PCP4: variants seen among roughly 807,000 people sequenced by gnomAD.
PCP4 encodes the protein Purkinje cell protein 4.
A neutral mutation model predicts 10.0 loss-of-function variants in PCP4; 8 were observed. The ratio of observed to expected loss-of-function variants is 0.80; its 90% CI spans 0.47 to 1.45. The LOEUF (loss-of-function observed/expected upper bound fraction) is 1.45. Ranked by LOEUF, PCP4 falls within the 40% of genes most tolerant of loss-of-function variation. PCP4 has a pLI of 0.00. For synonymous variants in PCP4, 21 were observed against 23.0 expected, an observed-to-expected ratio of 0.91 and a Z score of 0.24; for missense variants, 54 against 74.4, an observed-to-expected ratio of 0.73 and a Z score of 1.01.
intron 2 of PCP4, among the ~76,000 whole-genome samples, chr21:39,899,098 T>A (rs1299893733): frequency 6.6e-6 from 1 of 152,168 alleles, no homozygotes; most frequent in Non-Finnish European, 1.5e-5. Context: ...GGAATGATCA[T>A]CATATTTTTA....
At position 39,906,615 on chromosome 21, in the gene PCP4, T is replaced by C. The variant is rs896775178; in HGVS notation, c.61+8088T>C. On this transcript the variant is annotated intron_variant, in intron 2 of 2. Transcript: ENST00000328619. The surrounding 1 kb of genome is among the most constrained non-coding windows in gnomAD (Gnocchi z 6.3). ...CTTCCTTCCCTCCCTCCGTCTTTTC[T>C]TCCTACCTTTCATCCTTTTCTTCCT... Among the ~76,000 whole-genome samples, 18 of 152,048 alleles carry C rather than the reference T, an allele frequency of 1.2e-4. No individual in the cohort carries two copies. Among genetic ancestry groups the C allele is most frequent in the Non-Finnish European group, 2.4e-4 (16 of 68,026 alleles).
chr21:39,874,037 T>G (rs994478740), intron 1 of PCP4, among the ~76,000 whole-genome samples: 1 of 152,210 alleles, frequency 6.6e-6, no homozygotes, highest in African/African-American at 2.4e-5. Flanking sequence ...TATTTTACTC[T>G]TAACCTGCCA....
At chr21:39,885,391 C>T (rs1215700817) in intron 1 of PCP4, among the ~76,000 whole-genome samples, 2 of 152,240 alleles carry the variant, frequency 1.3e-5, no homozygotes, top group African/African-American at 2.4e-5. Flanking sequence ...GTTGCCCTCC[C>T]TCTGCTCTGA....
rs139627316 is a variant in PCP4, at chr21:39,882,634, C to T, written c.9+15124C>T. ...ACCACATCATCCTCGGAGGGACAGG[C>T]AGGCATCCTTAGTGTTCTTGAAATG... On this transcript the variant is annotated intron_variant, in intron 1 of 2. Transcript: ENST00000328619. Among the ~76,000 whole-genome samples the T allele has an allele frequency of 8.3e-3, 1,267 of 152,354 alleles. 58 individuals are homozygous for T. The highest frequency in any genetic ancestry group is 0.075 in the Admixed American group (1,142 of 15,308).
chr21:39,888,791 G>C (rs916607029), intron 1 of PCP4, among the ~76,000 whole-genome samples: 2 of 152,182 alleles, frequency 1.3e-5, no homozygotes, highest in Non-Finnish European at 2.9e-5. Context: ...CTCAGCAAAG[G>C]CAAAAATGAA....
At chr21:39,867,644 A>C (rs2087300923) in intron 1 of PCP4, 134 bp downstream of exon 1, 3 of 905,572 alleles carry the variant, frequency 3.3e-6, no homozygotes, top group Non-Finnish European at 3.7e-6. Context: ...TTGCTTGGAG[A>C]ACTGACAGGA....
At chr21:39,916,999 C>A (rs944973229) in intron 2 of PCP4, among the ~76,000 whole-genome samples, 3 of 152,100 alleles carry the variant, frequency 2.0e-5, no homozygotes, top group Middle Eastern at 3.4e-3. Flanking sequence ...AATACCTAGG[C>A]GATGGGTTGA....
At chr21:39,904,346 A>C (rs1416149520) in intron 2 of PCP4, among the ~76,000 whole-genome samples, 1 of 152,040 alleles carries the variant, frequency 6.6e-6, no homozygotes, top group Non-Finnish European at 1.5e-5. Flanking sequence ...TGACTTAGGC[A>C]GATTTTGCTT....
At chr21:39,907,635 A>G (rs2087518543) in intron 2 of PCP4, among the ~76,000 whole-genome samples, 2 of 152,104 alleles carry the variant, frequency 1.3e-5, no homozygotes, top group African/African-American at 4.8e-5. Flanking sequence ...ATCTCTACCA[A>G]AAAATACAAA....
At chr21:39,892,516 G>A (rs2087437659) in intron 1 of PCP4, among the ~76,000 whole-genome samples, 1 of 151,776 alleles carries the variant, frequency 6.6e-6, no homozygotes, top group Non-Finnish European at 1.5e-5. Flanking sequence ...GCTCTCGGGG[G>A]CCACACTGCA....
At chr21:39,891,134 G>T (rs1158484457) in intron 1 of PCP4, among the ~76,000 whole-genome samples, 2 of 152,118 alleles carry the variant, frequency 1.3e-5, no homozygotes, top group Non-Finnish European at 2.9e-5. Flanking sequence ...CAACTAGCAG[G>T]GTATTGAATA....
intron 2 of PCP4, among the ~76,000 whole-genome samples, chr21:39,913,237 A>T (rs1338067087): frequency 2.8e-5 from 2 of 71,582 alleles, no homozygotes; most frequent in Non-Finnish European, 5.3e-5. Context: ...AGCTCTTAAG[A>T]TAGTGTCATT....
chr21:39,926,902 T>C (rs2087624344), intron 2 of PCP4, among the ~76,000 whole-genome samples: 1 of 152,206 alleles, frequency 6.6e-6, no homozygotes, highest in Admixed American at 6.5e-5. Flanking sequence ...TTGTCTATCA[T>C]TTGGGCTGTC....
rs142583615 is a variant in PCP4, at chr21:39,870,951, G to A, written c.9+3441G>A. ...GCAGGGCAAGGCGATGCCCATCAAAGGCATGGTTTGAAAAACATCAAGGAC... is the reference window on the plus strand; with the variant it reads ...GCAGGGCAAGGCGATGCCCATCAAAAGCATGGTTTGAAAAACATCAAGGAC... On this transcript the variant is annotated intron_variant, in intron 1 of 2. Coordinates refer to ENST00000328619, the MANE Select transcript of PCP4 (RefSeq NM_006198.3). Among the ~76,000 whole-genome samples the A allele has an allele frequency of 8.7e-3, 1,325 of 152,300 alleles. 13 individuals carry two copies. Among genetic ancestry groups the A allele is most frequent in the Non-Finnish European group, 0.013 (859 of 68,034 alleles).
intron 1 of PCP4, among the ~76,000 whole-genome samples, chr21:39,886,642 T>C (rs899986593): frequency 1.3e-5 from 2 of 152,102 alleles, no homozygotes; most frequent in Non-Finnish European, 1.5e-5. Context: ...ATATGTAAGA[T>C]TTGAAAAGTC....
At chr21:39,915,245 T>C (rs2087563207) in intron 2 of PCP4, among the ~76,000 whole-genome samples, 1 of 151,454 alleles carries the variant, frequency 6.6e-6, no homozygotes, top group Non-Finnish European at 1.5e-5. Flanking sequence ...AAAAAAAATC[T>C]CTGGGATTTT....
intron 2 of PCP4, among the ~76,000 whole-genome samples, chr21:39,905,403 T>C (rs2087502088): frequency 6.6e-6 from 1 of 152,078 alleles, no homozygotes; most frequent in Non-Finnish European, 1.5e-5. Context: ...GGGGAAAAAA[T>C]GACATTGGAA....
chr21:39,890,175 G>T (rs766513597), intron 1 of PCP4, among the ~76,000 whole-genome samples: 1 of 152,136 alleles, frequency 6.6e-6, no homozygotes, highest in Non-Finnish European at 1.5e-5. Context: ...CAATGAAAAG[G>T]TTTCAATGAC....
chr21:39,916,632 T>A (rs936675443), intron 2 of PCP4, among the ~76,000 whole-genome samples: 4 of 152,224 alleles, frequency 2.6e-5, no homozygotes, highest in Non-Finnish European at 4.4e-5. Context: ...CAAAGGGATA[T>A]AAATCATTCT....
Sources: allele counts gnomAD v4.1 joint callset (sites outside exome capture counted in the v4.1 genomes callset), GRCh38; gene constraint gnomAD v4.1.1; non-coding constraint Gnocchi (gnomAD v3.1); transcripts MANE v1.5; gene names NCBI Gene and HGNC (gene_info 2026-07-23, HGNC 2026-07-21).